RGS12: variants seen among roughly 807,000 people sequenced by gnomAD.
RGS12 encodes the protein regulator of G-protein signaling 12.
Under a neutral mutation model 120.1 loss-of-function variants are expected in RGS12, and 66 were observed. The ratio of observed to expected loss-of-function variants is 0.55; its 90% CI spans 0.45 to 0.67. RGS12 has a LOEUF of 0.67. Among genes scored for constraint, RGS12 ranks in the 30% least tolerant of loss-of-function variants. The pLI, the probability that RGS12 is intolerant of heterozygous loss-of-function variation, is 0.00. For missense variants in RGS12, 1,859 were observed against 1,957.7 expected, an observed-to-expected ratio of 0.95 and a Z score of 0.95; for synonymous variants, 827 against 804.7, an observed-to-expected ratio of 1.03 and a Z score of -0.47.
intron 4 of RGS12, among the ~76,000 whole-genome samples, chr4:3,412,587 C>A (rs766755078): frequency 6.6e-6 from 1 of 152,240 alleles, no homozygotes; most frequent in South Asian, 2.1e-4. Flanking sequence ...GCTTATCCTG[C>A]GCACCGTGCC....
intron 5 of RGS12, chr4:3,414,462 C>T (rs1722111645): frequency 8.3e-6 from 5 of 605,762 alleles, no homozygotes; most frequent in Non-Finnish European, 1.4e-5. Context: ...CCCTGGCCCT[C>T]CCGCTCTCTA....
chr4:3,390,387 T>C lies in RGS12; in HGVS notation c.2020+3950T>C, dbSNP rs1719361942. ...CACAGCGGCTGGCACGAGAGCTGTC[T>C]GTTGAGTGAATGATCGGGTGTTCAG... On this transcript the variant is annotated intron_variant, in intron 4 of 17. Coordinates refer to ENST00000336727, the MANE Select transcript of RGS12 (RefSeq NM_001394154.1). The surrounding 1 kb of genome is among the most constrained non-coding windows in gnomAD (Gnocchi z 4.6). 6.6e-6 allele frequency among the ~76,000 whole-genome samples: 1 copy of C among 152,200 alleles called. No individual in the cohort carries two copies. The highest frequency in any genetic ancestry group is 1.5e-5 in the Non-Finnish European group (1 of 68,032).
intron 3 of RGS12, among the ~76,000 whole-genome samples, chr4:3,369,519 C>A (rs540670682): frequency 6.6e-6 from 1 of 152,150 alleles, no homozygotes; most frequent in Non-Finnish European, 1.5e-5. Context: ...CGAAGCTTCC[C>A]TCAACCTAAC....
intron 2 of RGS12, among the ~76,000 whole-genome samples, chr4:3,336,352 C>G (rs1168598995): frequency 6.6e-6 from 1 of 152,248 alleles, no homozygotes; most frequent in African/African-American, 2.4e-5. Flanking sequence ...ATAGTACTCT[C>G]TGTTAGAACT....
rs1330598605 is a variant in RGS12 at position 3,316,640 on chromosome 4, G to T, written c.470G>T (p.Cys157Phe). ...ATGATTTTTGAAAACCCGAGCCTTT[G>T]TGCGAGCAATTCAGAGCCCTTGAAA... ...FNMIFENPSL[C>F]ASNSEPLKLK... Residue 157 changes from cysteine to phenylalanine, a missense_variant, in exon 2 of 18, where the codon TGT (cysteine) becomes TTT (phenylalanine). Physicochemically the swap from Cys to Phe is radical, Grantham distance 205. Transcript: ENST00000336727. 2 of 1,614,168 alleles carry T rather than the reference G, an allele frequency of 1.2e-6. No homozygotes were observed. The highest frequency in any genetic ancestry group is 2.2e-5 in the East Asian group (1 of 44,884).
intron 3 of RGS12, among the ~76,000 whole-genome samples, chr4:3,347,501 A>C (rs1040688501): frequency 6.6e-6 from 1 of 152,230 alleles, no homozygotes. Context: ...TTAAGTAAAG[A>C]ACCAACAATG....
chr4:3,295,364 A>C (rs1353532183), intron 1 of RGS12, among the ~76,000 whole-genome samples: 1 of 152,144 alleles, frequency 6.6e-6, no homozygotes, highest in East Asian at 1.9e-4. Flanking sequence ...TGACCAAGCA[A>C]AATAATCAGG....
At chr4:3,304,626 T>C (rs1222241679) in intron 1 of RGS12, among the ~76,000 whole-genome samples, 1 of 152,250 alleles carries the variant, frequency 6.6e-6, no homozygotes, top group Non-Finnish European at 1.5e-5. Context: ...TTATGATCAG[T>C]TCGGCTTCTT....
chr4:3,428,984 G>A (rs1577100571), intron 16 of RGS12, among the ~76,000 whole-genome samples: 1 of 152,232 alleles, frequency 6.6e-6, no homozygotes, highest in Non-Finnish European at 1.5e-5. Context: ...GGCCCCCGCA[G>A]GCTCTGCCTC....
In RGS12 at chr4:3,316,447, A is replaced by C; in HGVS notation, c.277A>C (p.Met93Leu). ...LIGKCSGVLH[M>L]VIAEGVGRFE... Reference sequence around the variant, plus strand: ...TGGGAAGTGCTCTGGTGTCCTTCACATGGTGATTGCTGAAGGCGTCGGCCG... The same window carrying C: ...TGGGAAGTGCTCTGGTGTCCTTCACCTGGTGATTGCTGAAGGCGTCGGCCG... Residue 93 changes from methionine (M) to leucine (L), a missense_variant, in exon 2 of 18, where the codon ATG becomes CTG. By Grantham distance (15) the Met-to-Leu change is conservative (BLOSUM62 2). Coordinates refer to ENST00000336727, the MANE Select transcript of RGS12 (RefSeq NM_001394154.1). The C allele has an allele frequency of 6.2e-7, 1 of 1,614,176 alleles. No homozygotes were observed.
intron 1 of RGS12, among the ~76,000 whole-genome samples, chr4:3,310,252 G>A (rs1348553648): frequency 2.6e-5 from 3 of 117,414 alleles, no homozygotes; most frequent in African/African-American, 3.5e-5. Flanking sequence ...CCCGGGAAAT[G>A]GCAGGTGTCC....
intron 3 of RGS12, chr4:3,378,362 T>C (rs757359292): frequency 2.0e-5 from 3 of 152,214 alleles, no homozygotes; most frequent in Non-Finnish European, 2.9e-5. Context: ...CGATGATTTT[T>C]TTTTGGACAT....
chr4:3,316,543 G>C lies in RGS12; in HGVS notation c.373G>C (p.Asp125His). The C allele has an allele frequency of 6.2e-7, 1 of 1,614,182 alleles. No homozygotes were observed. Among genetic ancestry groups the C allele is most frequent in the Non-Finnish European group, 8.5e-7 (1 of 1,180,038 alleles). Residue 125 changes from aspartate (D) to histidine (H), a missense_variant, in exon 2 of 18, where the codon GAT becomes CAT. Coordinates refer to ENST00000336727, the MANE Select transcript of RGS12 (RefSeq NM_001394154.1). ...EGKGWLKPKLDSKALGINRAE... is the reference protein window; with the variant it reads ...EGKGWLKPKLHSKALGINRAE... Reference sequence around the variant, plus strand: ...AAAAGGCTGGCTGAAGCCCAAGCTGGATTCTAAAGCACTAGGTATAAACAG... The same window carrying C: ...AAAAGGCTGGCTGAAGCCCAAGCTGCATTCTAAAGCACTAGGTATAAACAG...
intron 3 of RGS12, among the ~76,000 whole-genome samples, chr4:3,357,428 A>C (rs1372147034): frequency 3.3e-5 from 5 of 152,074 alleles, no homozygotes; most frequent in Admixed American, 2.6e-4. Flanking sequence ...TGTGCCTTTG[A>C]TATCCAGGAA....
At chr4:3,415,257 T>C (rs1722256684) in intron 6 of RGS12, among the ~76,000 whole-genome samples, 1 of 152,112 alleles carries the variant, frequency 6.6e-6, no homozygotes, top group South Asian at 2.1e-4. Flanking sequence ...GCAGGGAGCA[T>C]CTAGAGCAGT....
At chr4:3,361,741 G>T (rs964599047) in intron 3 of RGS12, among the ~76,000 whole-genome samples, 76 of 152,312 alleles carry the variant, frequency 5.0e-4, no homozygotes, top group African/African-American at 1.8e-3. Flanking sequence ...TGCAAGGGAG[G>T]CAGTGACAGG....
chr4:3,327,430 A>T lies in RGS12; in HGVS notation c.1881+9379A>T, dbSNP rs952041016. On this transcript the variant is annotated intron_variant, in intron 2 of 17. Transcript: ENST00000336727. Reference sequence around the variant, plus strand: ...GTACAGACAACAAAAACAAAATTGGACAAGTGGGACTTAAAGAACTTCTGC... The same window carrying T: ...GTACAGACAACAAAAACAAAATTGGTCAAGTGGGACTTAAAGAACTTCTGC... Among the ~76,000 whole-genome samples the T allele has an allele frequency of 2.6e-5, 4 of 152,366 alleles. No individual in the cohort carries two copies. The East Asian group carries it at 7.7e-4, about 29-fold the overall frequency.
At chr4:3,420,191 G>C (rs1218778774) in intron 9 of RGS12, among the ~76,000 whole-genome samples, 4 of 152,214 alleles carry the variant, frequency 2.6e-5, no homozygotes, top group South Asian at 2.1e-4. Context: ...ATCCGGCTGA[G>C]AGCGCTGGCT....
chr4:3,352,281 T>A (rs1431295754), intron 3 of RGS12, among the ~76,000 whole-genome samples: 1 of 152,096 alleles, frequency 6.6e-6, no homozygotes, highest in Non-Finnish European at 1.5e-5. Context: ...AAAAAGAGCT[T>A]CTAACAAAAA....
Sources: allele counts gnomAD v4.1 joint callset (sites outside exome capture counted in the v4.1 genomes callset), GRCh38; gene constraint gnomAD v4.1.1; non-coding constraint Gnocchi (gnomAD v3.1); transcripts MANE v1.5; gene names NCBI Gene and HGNC (gene_info 2026-07-23, HGNC 2026-07-21).